The following LTBP2 variants were observed in gnomAD, a reference collection of about 807,000 sequenced individuals.
The protein encoded by LTBP2 is latent transforming growth factor beta binding protein 2.
LTBP2 carries 103 observed loss-of-function variants against 210.6 expected under a neutral mutation model. The ratio of observed to expected loss-of-function variants is 0.49; its 90% confidence interval spans 0.42 to 0.58. The LOEUF is 0.58. Among genes scored for constraint, LTBP2 ranks in the 20% least tolerant of loss-of-function variants. The pLI, the probability that LTBP2 is intolerant of heterozygous loss-of-function variation, is 0.00. For synonymous variants in LTBP2, 1,007 were observed against 1,015.0 expected, an observed-to-expected ratio of 0.99 and a Z score of 0.15; for missense variants, 2,313 against 2,494.5, an observed-to-expected ratio of 0.93 and a Z score of 1.55.
chr14:74,552,761 C>T, intron 5 of LTBP2, 131 bp downstream of exon 5: 2 of 1,176,592 alleles, frequency 1.7e-6, no homozygotes, highest in Non-Finnish European at 2.4e-6. Context: ...ACTCAGCTCC[C>T]CATGTGATTT....
intron 3 of LTBP2, among the ~76,000 whole-genome samples, chr14:74,577,981 G>A: frequency 6.6e-6 from 1 of 152,030 alleles, no homozygotes; most frequent in East Asian, 1.9e-4. Context: ...TGAATGAGAA[G>A]GAAGAAAGAC....
chr14:74,561,322 A>C (rs115565058), intron 3 of LTBP2, among the ~76,000 whole-genome samples: 2,012 of 151,824 alleles, frequency 0.013, 41 homozygotes, highest in African/African-American at 0.047. Context: ...CCTCTCAAAG[A>C]AAAAAAAAGA....
In LTBP2 at chr14:74,557,266, A is replaced by C. The variant is rs372929470; in HGVS notation, c.831-1573T>G. On this transcript the variant is annotated intron_variant, in intron 3 of 35. Coordinates refer to ENST00000261978, the MANE Select transcript of LTBP2 (RefSeq NM_000428.3). ...ACAGAGGGAGACTCCATCTCAAAAA[A>C]GCAAAACAAAACAAAAACTTTAGGA... 3.5e-3 allele frequency among the ~76,000 whole-genome samples: 528 copies of C among 152,326 alleles called. 15 individuals carry two copies. The South Asian group carries it at 0.078, about 22-fold the overall frequency.
At chr14:74,611,313 CGGGGCTGTTTCCCGAAGTACTAAA>C (rs1259487845) in intron 1 of LTBP2, 114 bp downstream of exon 1, 2 of 1,011,984 alleles carry the variant, frequency 2.0e-6, no homozygotes, top group East Asian at 5.9e-5. Flanking sequence ...TTTGGAACCT[CGGGGCTGTTTCCCGAAGTACTAAA>C]GACAGAGGGA....
At position 74,555,550 on chromosome 14, in the gene LTBP2, T is replaced by C; in HGVS notation, c.974A>G (p.Asp325Gly). 1.2e-6 allele frequency: 2 copies of C among 1,613,090 alleles called. No individual in the cohort carries two copies. Among genetic ancestry groups the C allele is most frequent in the South Asian group, 1.1e-5 (1 of 90,910 alleles). ...CAGAGGTACCGCCTGTTGGGTGCCA[T>C]CTCTCTGCTCAAGGCCTGGTCCCGG... ...LPPGPGLEQR[D>G]GTQQAVPLEH... Residue 325 changes from aspartate to glycine, a missense_variant, in exon 4 of 36, where the codon GAT becomes GGT. Physicochemically the swap from Asp to Gly is moderately conservative, Grantham distance 94. This residue lies in a region of LTBP2 where 1,867 missense variants were observed against 1,976.9 expected (regional missense o/e 0.94). Transcript: ENST00000261978.
At chr14:74,532,210 G>A (rs2087358698) in intron 10 of LTBP2, among the ~76,000 whole-genome samples, 1 of 152,266 alleles carries the variant, frequency 6.6e-6, no homozygotes, top group African/African-American at 2.4e-5. Flanking sequence ...AATGCCTAGT[G>A]TAAAAAGTGA....
intron 2 of LTBP2, among the ~76,000 whole-genome samples, chr14:74,595,797 C>T (rs2088352173): frequency 6.6e-6 from 1 of 152,348 alleles, no homozygotes; most frequent in East Asian, 1.9e-4. Context: ...CTCTAGAAAA[C>T]AGTAATGCAT....
intron 8 of LTBP2, among the ~76,000 whole-genome samples, chr14:74,537,366 T>G (rs886875891): frequency 6.6e-6 from 1 of 152,182 alleles, no homozygotes; most frequent in Admixed American, 6.5e-5. Flanking sequence ...GTCTGACAAT[T>G]CTTTTGCCTA....
intron 1 of LTBP2, 75 bp downstream of exon 1, chr14:74,611,376 C>G: frequency 7.2e-7 from 1 of 1,393,762 alleles, no homozygotes; most frequent in South Asian, 1.7e-5. Context: ...GCCCTCTCCT[C>G]TCGCCTGCAC....
Position 74,555,625 on chromosome 14 carries a change from A to G in LTBP2, c.899T>C (p.Leu300Pro). Residue 300 changes from leucine (L) to proline (P), a missense_variant, in exon 4 of 36, where the codon CTT becomes CCT. Physicochemically the swap from Leu to Pro is moderately conservative, Grantham distance 98. Around this residue, in one of 3 missense-constraint regions of LTBP2, gnomAD observed 1,867 missense variants for 1,976.9 expected, o/e 0.94. Transcript: ENST00000261978. ...QHVGLSRTVR[L>P]HPTATASSQL... ...GCTACTGGCCGTGGCAGTCGGGTGA[A>G]GTCGGACAGTGCGGGACAACCCCAC... 1 of 1,608,892 alleles carries G rather than the reference A, an allele frequency of 6.2e-7. No homozygotes were observed. Among genetic ancestry groups the G allele is most frequent in the East Asian group, 2.2e-5 (1 of 44,786 alleles).
chr14:74,585,734 G>A, intron 3 of LTBP2, 120 bp downstream of exon 3: 2 of 1,470,542 alleles, frequency 1.4e-6, no homozygotes, highest in Non-Finnish European at 1.9e-6. Flanking sequence ...GGGTGGGGAG[G>A]AGAGAAGGGA....
intron 9 of LTBP2, 99 bp from the exon 10 acceptor site, chr14:74,532,647 C>T: frequency 7.1e-7 from 1 of 1,413,944 alleles, no homozygotes; most frequent in Non-Finnish European, 9.7e-7. Flanking sequence ...CCAGATAAAA[C>T]AACAACAAAA....
At position 74,509,964 on chromosome 14, in the gene LTBP2, G is replaced by T. The variant is rs2087048872; in HGVS notation, c.3152-105C>A. 7 of 1,609,452 alleles carry T rather than the reference G, an allele frequency of 4.3e-6. No homozygotes were observed. In the South Asian group the frequency reaches 6.6e-5, roughly 15 times the overall value. ...GAAGGACAGGTCTGGGCAGGGATGT[G>T]TTGGGTCAGTGTGAATAGGGATGCA... is the stretch of plus-strand genomic sequence containing the variant. On this transcript the variant is annotated intron_variant, in intron 20 of 35. Coordinates refer to ENST00000261978, the MANE Select transcript of LTBP2 (RefSeq NM_000428.3).
intron 19 of LTBP2, among the ~76,000 whole-genome samples, chr14:74,510,640 G>A (rs2087058794): frequency 6.6e-6 from 1 of 152,238 alleles, no homozygotes; most frequent in African/African-American, 2.4e-5. Flanking sequence ...GGGCAGCGTG[G>A]AGAGAGGCCA....
chr14:74,553,087 G>A, intron 4 of LTBP2, 25 bp from the exon 5 acceptor site: 2 of 1,612,440 alleles, frequency 1.2e-6, no homozygotes, highest in South Asian at 1.1e-5. Context: ...CTTGGGTCCA[G>A]GGGGCAGGGC....
At chr14:74,564,365 A>T (rs1425917862) in intron 3 of LTBP2, among the ~76,000 whole-genome samples, 3 of 46,698 alleles carry the variant, frequency 6.4e-5, no homozygotes, top group Non-Finnish European at 8.5e-5. Context: ...TTATATATAT[A>T]TTTATATATA....
chr14:74,588,008 C>A lies in LTBP2; in HGVS notation c.566-1890G>T, dbSNP rs113691776. ...AGGTAGCCTCTGCTCTGTCTTCTCT[C>A]TGTCTTTGCATGTGCTATGTCCTCT... On this transcript the variant is annotated intron_variant, in intron 2 of 35. Coordinates refer to ENST00000261978, the MANE Select transcript of LTBP2 (RefSeq NM_000428.3). Among the ~76,000 whole-genome samples, 874 of 152,336 alleles carry A rather than the reference C, an allele frequency of 5.7e-3. 5 individuals are homozygous for A. The highest frequency in any genetic ancestry group is 5.5e-3 in the Admixed American group (84 of 15,308).
intron 2 of LTBP2, among the ~76,000 whole-genome samples, chr14:74,598,211 G>A (rs2088396113): frequency 6.6e-6 from 1 of 152,214 alleles, no homozygotes; most frequent in Admixed American, 6.5e-5. Context: ...TGGTTGTCAT[G>A]AATGGGGCAA....
chr14:74,527,476 C>A, intron 12 of LTBP2, 110 bp from the exon 13 acceptor site: 1 of 1,161,170 alleles, frequency 8.6e-7, no homozygotes, highest in Non-Finnish European at 1.3e-6. Flanking sequence ...ACATCCCCAG[C>A]AGGGCCAGCA....
Sources: allele counts gnomAD v4.1 joint callset (sites outside exome capture counted in the v4.1 genomes callset), GRCh38; gene constraint gnomAD v4.1.1; regional missense constraint gnomAD v4.1.1; transcripts MANE v1.5; gene names NCBI Gene and HGNC (gene_info 2026-07-23, HGNC 2026-07-21).